The following UBE3B variants were observed in gnomAD, a reference collection of about 807,000 sequenced individuals.
UBE3B encodes ubiquitin-protein ligase E3B.
In UBE3B, 80 loss-of-function variants were observed where a neutral mutation model predicts 132.3. The observed-to-expected ratio is 0.60, with a 90% CI of 0.50 to 0.73. The LOEUF (loss-of-function observed/expected upper bound fraction) is 0.73. Ranked by LOEUF, UBE3B falls within the 30% of genes least tolerant of loss-of-function variation. The pLI is 0.00. For missense variants in UBE3B, 1,196 were observed against 1,362.5 expected (o/e 0.88, Z 1.92); for synonymous variants, 487 against 520.4 (o/e 0.94, Z 0.87).
intron 4 of UBE3B, 93 bp from the exon 5 acceptor site, chr12:109,485,919 C>T: frequency 1.5e-6 from 2 of 1,356,246 alleles, no homozygotes; most frequent in Middle Eastern, 2.0e-4. Context: ...ATAATACCTG[C>T]ACGTGCCAGG....
intron 18 of UBE3B, among the ~76,000 whole-genome samples, chr12:109,514,392 C>T (rs1448535550): frequency 6.6e-6 from 1 of 152,194 alleles, no homozygotes; most frequent in South Asian, 2.1e-4. Context: ...TGAGGTTGCC[C>T]AGCCCTTGCA....
chr12:109,503,000 A>C (rs1182194011), intron 13 of UBE3B, 23 bp from the exon 14 acceptor site: 2 of 1,613,914 alleles, frequency 1.2e-6, no homozygotes, highest in South Asian at 1.1e-5. Context: ...TGCTGCTCAC[A>C]TGTCTTCTTT....
intron 24 of UBE3B, among the ~76,000 whole-genome samples, chr12:109,527,707 C>G (rs10744826): frequency 0.57 from 86,083 of 152,148 alleles, 25,351 homozygotes; most frequent in African/African-American, 0.72. Flanking sequence ...GGACTGCCTG[C>G]AAGAGTAGAG....
At chr12:109,519,763 T>G (rs1178935399) in intron 19 of UBE3B, 1 of 152,200 alleles carries the variant, frequency 6.6e-6, no homozygotes, top group South Asian at 2.1e-4. Flanking sequence ...TCTCAAACTT[T>G]ATGTACATAA....
chr12:109,541,487 C>T (rs565342247), downstream of UBE3B, among the ~76,000 whole-genome samples: 3 of 152,248 alleles, frequency 2.0e-5, no homozygotes, highest in African/African-American at 2.4e-5. Flanking sequence ...CTGTTAAGCA[C>T]CTGGCAAATT....
At chr12:109,484,876 C>T (rs1248070701) in intron 4 of UBE3B, among the ~76,000 whole-genome samples, 1 of 152,140 alleles carries the variant, frequency 6.6e-6, no homozygotes, top group African/African-American at 2.4e-5. Flanking sequence ...TCTGCCTCAG[C>T]CTCCTCAGTA....
chr12:109,484,380 G>A (rs906618386), intron 4 of UBE3B, among the ~76,000 whole-genome samples: 2 of 152,132 alleles, frequency 1.3e-5, no homozygotes, highest in African/African-American at 2.4e-5. Context: ...TACACACCTC[G>A]GTGGTGGACT....
chr12:109,524,360 C>T (rs1269858520), intron 22 of UBE3B, 78 bp from the exon 23 acceptor site: 9 of 1,544,270 alleles, frequency 5.8e-6, no homozygotes, highest in African/African-American at 2.7e-5. Flanking sequence ...ACCAAAGCAG[C>T]GCCTCAAGGG....
In UBE3B at chr12:109,483,531, G is replaced by C; in HGVS notation, c.-21G>C. On this transcript the variant is annotated splice_region_variant and 5_prime_UTR_variant, in exon 3 of 28. Transcript: ENST00000342494. ...ACCCACTTGCCCATTTTCCTTGCAG[G>C]GTTTGTGCAAGTTTGCAAACATGTT... The C allele has an allele frequency of 6.5e-7, 1 of 1,538,642 alleles. No homozygotes were observed. The highest frequency in any genetic ancestry group is 2.3e-5 in the East Asian group (1 of 43,974).
downstream of UBE3B, among the ~76,000 whole-genome samples, chr12:109,538,323 A>G (rs1037703596): frequency 3.3e-5 from 5 of 152,188 alleles, no homozygotes; most frequent in Non-Finnish European, 5.9e-5. The surrounding 1 kb of genome is among the most constrained non-coding windows in gnomAD (Gnocchi z 4.1). Context: ...AACTTATCAA[A>G]TTGGCCAGAG....
downstream of UBE3B, among the ~76,000 whole-genome samples, chr12:109,541,676 A>G (rs1214309152): frequency 6.6e-6 from 1 of 152,170 alleles, no homozygotes; most frequent in African/African-American, 2.4e-5. Context: ...AAAACAACGG[A>G]AATGTATTCT....
chr12:109,518,081 T>A (rs1033083121), intron 19 of UBE3B: 1 of 296,946 alleles, frequency 3.4e-6, no homozygotes, highest in African/African-American at 2.2e-5. Context: ...GCTGGCTGAG[T>A]GGGTCTCATT....
chr12:109,509,527 C>T, intron 15 of UBE3B, 69 bp from the exon 16 acceptor site: 2 of 904,884 alleles, frequency 2.2e-6, no homozygotes, highest in Non-Finnish European at 1.7e-6. Flanking sequence ...GTCTAGTAAG[C>T]AGTACAGATT....
At position 109,528,443 on chromosome 12, in the gene UBE3B, T is replaced by A. The variant is rs2136114461; in HGVS notation, c.2628-1447T>A. 3 of 985,232 alleles carry A rather than the reference T, an allele frequency of 3.0e-6. No individual in the cohort carries two copies. The African/African-American group carries it at 5.2e-5, about 17-fold the overall frequency. The allele number at this position is 985,232 out of a possible 1,614,324, so 61.0% of individuals were successfully genotyped here. On this transcript the variant is annotated intron_variant, in intron 24 of 27. Coordinates refer to ENST00000342494, the MANE Select transcript of UBE3B (RefSeq NM_130466.4). ...TTTGCTGCTGGAAAATTTTTTTAAA[T>A]AGGGATATTTTTGAGATTACTAAAG... is the stretch of plus-strand genomic sequence containing the variant.
the UBE3B span, among the ~76,000 whole-genome samples, chr12:109,544,740 G>T: frequency 6.6e-6 from 1 of 152,128 alleles, no homozygotes; most frequent in Non-Finnish European, 1.5e-5. Context: ...GGAGCTCCTG[G>T]TCATCAGCCT....
intron 4 of UBE3B, among the ~76,000 whole-genome samples, chr12:109,485,757 G>A (rs573570449): frequency 1.4e-3 from 208 of 152,276 alleles, no homozygotes; most frequent in African/African-American, 3.9e-3. Flanking sequence ...CTCAATTTGG[G>A]TTTTTATGTG....
chr12:109,484,060 A>G lies in UBE3B; in HGVS notation c.282+79A>G. ...AATTATTGATATTAACTCAGTTCTT[A>G]TAGCAGCTTTATGAGGTAATTACTG... On this transcript the variant is annotated intron_variant, in intron 4 of 27. Transcript: ENST00000342494. 1.4e-6 allele frequency: 2 copies of G among 1,443,516 alleles called. 1 individual carries two copies. Among genetic ancestry groups the G allele is most frequent in the South Asian group, 2.7e-5 (2 of 74,338 alleles). The allele number at this position is 1,443,516 out of a possible 1,614,324, so 89.4% of individuals were successfully genotyped here.
intron 13 of UBE3B, among the ~76,000 whole-genome samples, 195 bp from the exon 14 acceptor site, chr12:109,502,828 T>C (rs147740393): frequency 2.6e-5 from 4 of 152,378 alleles, no homozygotes; most frequent in Non-Finnish European, 5.9e-5. Context: ...TGAAGAGATC[T>C]TTGGGTTGTA....
intron 2 of UBE3B, among the ~76,000 whole-genome samples, chr12:109,482,894 A>G (rs937214240): frequency 6.6e-6 from 1 of 152,260 alleles, no homozygotes; most frequent in African/African-American, 2.4e-5. Context: ...AGCTATACAT[A>G]AAACCAAATA....
Sources: allele counts gnomAD v4.1 joint callset (sites outside exome capture counted in the v4.1 genomes callset), GRCh38; gene constraint gnomAD v4.1.1; non-coding constraint Gnocchi (gnomAD v3.1); transcripts MANE v1.5; gene names NCBI Gene and HGNC (gene_info 2026-07-23, HGNC 2026-07-21).